Variants in TUNAR observed in about 807,000 individuals in gnomAD.
TUNAR encodes the protein transmembrane neural differentiation associated intracellular calcium regulator.
intron 2 of TUNAR, among the ~76,000 whole-genome samples, chr14:95,905,836 T>G (rs1889420616): frequency 6.6e-6 from 1 of 152,232 alleles, no homozygotes; most frequent in South Asian, 2.1e-4. Context: ...TTATTGGAAC[T>G]CTACTGTAAG....
At chr14:95,882,478 T>A (rs572918131) in intron 2 of TUNAR, among the ~76,000 whole-genome samples, 6 of 152,350 alleles carry the variant, frequency 3.9e-5, no homozygotes, top group Admixed American at 1.3e-4. Flanking sequence ...TGTTTCTTGT[T>A]GTTTTTGTAT....
chr14:95,925,427 T>C (rs1161155878), exon 3 of TUNAR: 1 of 151,972 alleles, frequency 6.6e-6, no homozygotes, highest in East Asian at 1.9e-4. Flanking sequence ...ACACTAAGGA[T>C]AAGGGATGAG....
At chr14:95,907,461 G>T (rs915685756) in intron 2 of TUNAR, among the ~76,000 whole-genome samples, 3 of 152,194 alleles carry the variant, frequency 2.0e-5, no homozygotes, top group Admixed American at 1.3e-4. Flanking sequence ...GCAAGGTGGG[G>T]GTATTGCTAC....
chr14:95,897,502 C>T (rs942870999), intron 2 of TUNAR, among the ~76,000 whole-genome samples: 1 of 152,220 alleles, frequency 6.6e-6, no homozygotes, highest in Non-Finnish European at 1.5e-5. Context: ...TTCAGGCTGA[C>T]ATTCCTTCAA....
chr14:95,906,488 A>G (rs1889428089), intron 2 of TUNAR, among the ~76,000 whole-genome samples: 1 of 152,240 alleles, frequency 6.6e-6, no homozygotes, highest in African/African-American at 2.4e-5. Context: ...TCTAGTATAC[A>G]CTAAAGTAGT....
chr14:95,896,715 C>T (rs750072941), intron 2 of TUNAR, among the ~76,000 whole-genome samples: 1 of 152,228 alleles, frequency 6.6e-6, no homozygotes, highest in Non-Finnish European at 1.5e-5. Flanking sequence ...CCAGGTGCCC[C>T]AAAAGGTGGA....
chr14:95,882,376 G>A (rs143327593), intron 2 of TUNAR, among the ~76,000 whole-genome samples: 140 of 152,312 alleles, frequency 9.2e-4, no homozygotes, highest in African/African-American at 3.1e-3. Context: ...TGATTACTGC[G>A]AACACTTATT....
chr14:95,913,879 C>CA (rs1566791780), intron 2 of TUNAR, among the ~76,000 whole-genome samples: 7 of 152,180 alleles, frequency 4.6e-5, no homozygotes. Context: ...ACTACAGGTG[C>CA]CAGCCACCAC....
chr14:95,923,138 G>T (rs987891713), exon 3 of TUNAR: 5 of 393,128 alleles, frequency 1.3e-5, no homozygotes, highest in African/African-American at 2.1e-5. Context: ...CGATCCTGCT[G>T]CAGGGAGCAG....
At chr14:95,893,638 A>G (rs1292005562) in intron 2 of TUNAR, among the ~76,000 whole-genome samples, 1 of 152,118 alleles carries the variant, frequency 6.6e-6, no homozygotes, top group Non-Finnish European at 1.5e-5. Flanking sequence ...ATTTAACAAA[A>G]ATAGACAAGA....
intron 2 of TUNAR, among the ~76,000 whole-genome samples, chr14:95,904,677 T>G (rs111451250): frequency 1.3e-5 from 2 of 152,182 alleles, no homozygotes; most frequent in African/African-American, 4.8e-5. Context: ...CCAGGGCCCT[T>G]GAGGCTCAGC....
At chr14:95,888,365 G>A (rs565806657) in intron 2 of TUNAR, among the ~76,000 whole-genome samples, 1 of 152,286 alleles carries the variant, frequency 6.6e-6, no homozygotes, top group African/African-American at 2.4e-5. Flanking sequence ...AAGCCTTCGA[G>A]TATGTATTGG....
At chr14:95,903,620 T>C (rs1469675106) in intron 2 of TUNAR, among the ~76,000 whole-genome samples, 4 of 152,260 alleles carry the variant, frequency 2.6e-5, no homozygotes, top group African/African-American at 9.6e-5. Context: ...AAAGCCTCTT[T>C]CAGCCAGTGT....
chr14:95,887,507 A>G (rs1253727884), intron 2 of TUNAR, among the ~76,000 whole-genome samples: 1 of 152,226 alleles, frequency 6.6e-6, no homozygotes, highest in East Asian at 1.9e-4. Flanking sequence ...GTGCTTTATC[A>G]GGCAGATCTG....
At chr14:95,878,615 C>T (rs373140308) in intron 2 of TUNAR, among the ~76,000 whole-genome samples, 17 of 152,164 alleles carry the variant, frequency 1.1e-4, no homozygotes, top group African/African-American at 2.7e-4. Context: ...GTCATTTGGA[C>T]GAACATTCTA....
At chr14:95,912,110 G>A (rs916653317) in intron 2 of TUNAR, among the ~76,000 whole-genome samples, 12 of 152,272 alleles carry the variant, frequency 7.9e-5, no homozygotes, top group South Asian at 4.1e-4. Flanking sequence ...CGTAGTCTTC[G>A]TAGTTTTATT....
chr14:95,891,029 T>TG (rs1889171913), intron 2 of TUNAR, among the ~76,000 whole-genome samples: 3 of 152,142 alleles, frequency 2.0e-5, no homozygotes, highest in African/African-American at 4.8e-5. Flanking sequence ...CTGCTGAAGT[T>TG]GGGGGGCAGG....
At chr14:95,908,015 C>T (rs1889451846) in intron 2 of TUNAR, among the ~76,000 whole-genome samples, 1 of 152,156 alleles carries the variant, frequency 6.6e-6, no homozygotes, top group East Asian at 1.9e-4. Flanking sequence ...GGAAAAGGCA[C>T]CACAAGTCCC....
intron 2 of TUNAR, among the ~76,000 whole-genome samples, chr14:95,888,273 C>A (rs1400247419): frequency 6.6e-6 from 1 of 152,168 alleles, no homozygotes; most frequent in African/African-American, 2.4e-5. Context: ...TAAGTCCTTT[C>A]CGTGGACTCT....
Sources: allele counts gnomAD v4.1 joint callset (sites outside exome capture counted in the v4.1 genomes callset), GRCh38; gene constraint gnomAD v4.1.1; transcripts MANE v1.5; gene names NCBI Gene and HGNC (gene_info 2026-07-23, HGNC 2026-07-21).